Variants in ANKRD13B observed in about 807,000 individuals in gnomAD.
ANKRD13B encodes the protein ankyrin repeat domain-containing protein 13B.
A neutral mutation model predicts 74.4 loss-of-function variants in ANKRD13B; 33 were observed. The observed-to-expected ratio is 0.44, with a 90% CI of 0.34 to 0.59. The LOEUF (loss-of-function observed/expected upper bound fraction) is 0.59, where lower values mean the gene tolerates loss of function less well. Among genes scored for constraint, ANKRD13B ranks in the 20% least tolerant of loss-of-function variants. The pLI is 0.02. For synonymous variants in ANKRD13B, 341 were observed against 362.9 expected (o/e 0.94, Z 0.68); for missense variants, 676 against 877.9 (o/e 0.77, Z 2.91).
Position 29,612,473 on chromosome 17 carries a change from C to T in ANKRD13B, c.1330C>T (p.Pro444Ser), listed in dbSNP as rs1333161311. 6 of 1,599,792 alleles carry T rather than the reference C, an allele frequency of 3.8e-6. No homozygotes were observed. The highest frequency in any genetic ancestry group is 5.1e-6 in the Non-Finnish European group (6 of 1,173,274). ...GNLNGCDEPV[P>S]SVRGSPSSET... Reference sequence around the variant, plus strand: ...CCTCAACGGCTGCGACGAACCGGTGCCATCGGTGCGAGGCAGCCCCAGCAG... The same window carrying T: ...CCTCAACGGCTGCGACGAACCGGTGTCATCGGTGCGAGGCAGCCCCAGCAG... Residue 444 changes from proline to serine, a missense_variant, in exon 12 of 15, where the codon CCA (proline) becomes TCA (serine). Coordinates refer to ENST00000394859, the MANE Select transcript of ANKRD13B (RefSeq NM_152345.5). The surrounding 1 kb of genome is among the most constrained non-coding windows in gnomAD (Gnocchi z 6.1).
rs537404083 is a variant in ANKRD13B, at chr17:29,607,045, G to A, written c.115-697G>A. ...AGCCTAGCCAACAGAGTGAGACTCC[G>A]TCCCCCCAAAAAAAACACAAAAAAA... is the stretch of plus-strand genomic sequence containing the variant. On this transcript the variant is annotated intron_variant, in intron 1 of 14. Transcript: ENST00000394859. Among the ~76,000 whole-genome samples the A allele has an allele frequency of 3.2e-4, 49 of 151,328 alleles. No homozygotes were observed. The South Asian group carries it at 7.5e-3, about 23-fold the overall frequency.
rs752449750 is a variant in ANKRD13B at position 29,607,867 on chromosome 17, C to A, written c.240C>A (p.Ser80Arg). The change falls in exon 2 of 15, where the codon AGC becomes AGA. Residue 80 changes from serine (S) to arginine (R), a missense_variant. By Grantham distance (110) the Ser-to-Arg change is moderately radical (BLOSUM62 -1). Transcript: ENST00000394859. The stretch of plus-strand genomic sequence containing the variant: ...CAGACGTGGGCAGGGAGAATCGCAG[C>A]GGCTGGACAGGTGGGCAGCCCTGCT... ...HGADVGRENRSGWTVLQEAVS... is the reference protein window; with the variant it reads ...HGADVGRENRRGWTVLQEAVS... The A allele has an allele frequency of 6.2e-7, 1 of 1,600,310 alleles. No individual in the cohort carries two copies. The highest frequency in any genetic ancestry group is 1.3e-5 in the African/African-American group (1 of 74,796).
rs1163651961 is a variant in ANKRD13B at position 29,607,773 on chromosome 17, G to A, written c.146G>A (p.Arg49Gln). 7 of 1,601,426 alleles carry A rather than the reference G, an allele frequency of 4.4e-6. No homozygotes were observed. Among genetic ancestry groups the A allele is most frequent in the African/African-American group, 1.3e-5 (1 of 74,852 alleles). The change falls in exon 2 of 15, where the codon CGG becomes CAG. Residue 49 changes from arginine (R) to glutamine (Q), a missense_variant. Transcript: ENST00000394859. ...VDIEQLDPRG[R>Q]TPLHLATTLG... ...ATCGAGCAGCTGGATCCCCGCGGCC[G>A]GACTCCCCTGCACCTGGCCACCACG...
rs2034647791 is a variant in ANKRD13B at position 29,612,950 on chromosome 17, C to T, written c.1639C>T (p.Arg547Cys). ...CACCCACCCCATGTCCTACGAGGGT[C>T]GCCGACAGGACAGGTCAGTGCCCGC... ...PGTHPMSYEGRRQDRSAPPTP... is the reference protein window; with the variant it reads ...PGTHPMSYEGCRQDRSAPPTP... The change falls in exon 14 of 15, where the codon CGC becomes TGC. Residue 547 changes from arginine to cysteine, a missense_variant. By Grantham distance (180) the Arg-to-Cys change is radical. Coordinates refer to ENST00000394859, the MANE Select transcript of ANKRD13B (RefSeq NM_152345.5). The surrounding 1 kb of genome is among the most constrained non-coding windows in gnomAD (Gnocchi z 6.1). The T allele has an allele frequency of 6.3e-7, 1 of 1,597,766 alleles. No homozygotes were observed. Among genetic ancestry groups the T allele is most frequent in the Non-Finnish European group, 8.5e-7 (1 of 1,179,582 alleles).
chr17:29,613,191 TG>T, intron 14 of ANKRD13B, 162 bp from the exon 15 acceptor site: 2 of 1,254,396 alleles, frequency 1.6e-6, no homozygotes, highest in Non-Finnish European at 2.1e-6. Context: ...TGGTAGGGTC[TG>T]GGCTCCGCCA....
At chr17:29,610,597 G>C (rs968660681) in intron 7 of ANKRD13B, 88 bp from the exon 8 acceptor site, 10 of 1,199,994 alleles carry the variant, frequency 8.3e-6, no homozygotes, top group Non-Finnish European at 9.5e-6. Flanking sequence ...AGGACCCTTT[G>C]CTACAGGGAG....
At chr17:29,607,717 T>A in intron 1 of ANKRD13B, 25 bp from the exon 2 acceptor site, 1 of 1,588,328 alleles carries the variant, frequency 6.3e-7, no homozygotes, top group Non-Finnish European at 8.5e-7. Context: ...TGGGGCTTTA[T>A]CTTCCACTCC....
chr17:29,595,443 G>A (rs1196808026), intron 1 of ANKRD13B, among the ~76,000 whole-genome samples: 1 of 152,202 alleles, frequency 6.6e-6, no homozygotes, highest in Admixed American at 6.5e-5. Context: ...CTTGCCTGAG[G>A]GTGGGTGGTC....
rs2034639021 is a variant in ANKRD13B at position 29,612,781 on chromosome 17, A to G, written c.1541A>G (p.Gln514Arg). Residue 514 changes from glutamine (Q) to arginine (R), a missense_variant, in exon 13 of 15, where the codon CAG becomes CGG. Physicochemically the swap from Gln to Arg is conservative, Grantham distance 43. Transcript: ENST00000394859. The surrounding 1 kb of genome is among the most constrained non-coding windows in gnomAD (Gnocchi z 6.1). ...GACCTGCTGCAATTCGCCATCCAGC[A>G]GAGCCTGCTTGAGGCGGGCAGTGAG... ...DDDLLQFAIQQSLLEAGSEYD... is the reference protein window; with the variant it reads ...DDDLLQFAIQRSLLEAGSEYD... The G allele has an allele frequency of 6.2e-7, 1 of 1,603,776 alleles. No individual in the cohort carries two copies. The highest frequency in any genetic ancestry group is 8.5e-7 in the Non-Finnish European group (1 of 1,178,794).
rs770478222 is a variant in ANKRD13B, at chr17:29,610,769, A to G, written c.904+3A>G. 2 of 1,613,632 alleles carry G rather than the reference A, an allele frequency of 1.2e-6. No homozygotes were observed. Among genetic ancestry groups the G allele is most frequent in the Admixed American group, 1.7e-5 (1 of 59,972 alleles). On this transcript the variant is annotated splice_donor_region_variant and intron_variant, in intron 8 of 14. Coordinates refer to ENST00000394859, the MANE Select transcript of ANKRD13B (RefSeq NM_152345.5). ...ACAGCACAAGGGCAAGGTCAAAGGT[A>G]ATGAGGCAGAGCTGGATGGGGAGAG...
At chr17:29,610,917 C>CT in intron 8 of ANKRD13B, 151 bp downstream of exon 8, 1 of 782,300 alleles carries the variant, frequency 1.3e-6, no homozygotes, top group East Asian at 2.7e-5. Flanking sequence ...GTGCCAAGCC[C>CT]TAAGGATGGG....
In ANKRD13B at chr17:29,610,673, A is replaced by T; in HGVS notation, c.823-12A>T. On this transcript the variant is annotated splice_polypyrimidine_tract_variant and intron_variant, in intron 7 of 14. Transcript: ENST00000394859. Reference sequence around the variant, plus strand: ...AGAACTGCTTATGAGCCCTTTCTTCATCTGTCCCCAGGTGTATGGGGCATC... The same window carrying T: ...AGAACTGCTTATGAGCCCTTTCTTCTTCTGTCCCCAGGTGTATGGGGCATC... The T allele has an allele frequency of 6.2e-7, 1 of 1,613,526 alleles. No homozygotes were observed. The highest frequency in any genetic ancestry group is 8.5e-7 in the Non-Finnish European group (1 of 1,179,698).
rs371478891 is a variant in ANKRD13B, at chr17:29,609,059, C to G, written c.566-27C>G. 149 of 1,611,796 alleles carry G rather than the reference C, an allele frequency of 9.2e-5. No homozygotes were observed. The highest frequency in any genetic ancestry group is 1.2e-4 in the Non-Finnish European group (146 of 1,179,664). On this transcript the variant is annotated intron_variant, in intron 5 of 14. Coordinates refer to ENST00000394859, the MANE Select transcript of ANKRD13B (RefSeq NM_152345.5). The surrounding 1 kb of genome is among the most constrained non-coding windows in gnomAD (Gnocchi z 4.0). ...GAGGCAGCCCCAGGCCACCCCTGAT[C>G]CCCCTGTGCTGTTCCGTGTCTGGCA... is the stretch of plus-strand genomic sequence containing the variant.
intron 1 of ANKRD13B, among the ~76,000 whole-genome samples, chr17:29,605,552 C>T (rs1222601667): frequency 1.3e-5 from 2 of 152,124 alleles, no homozygotes; most frequent in Admixed American, 6.5e-5. Context: ...ACTGCAGCCT[C>T]AACCTCCCAG....
intron 1 of ANKRD13B, among the ~76,000 whole-genome samples, chr17:29,601,276 C>T (rs1186909498): frequency 6.7e-6 from 1 of 149,626 alleles, no homozygotes; most frequent in East Asian, 2.0e-4. Flanking sequence ...GGCTGGAGTG[C>T]AGTGGTGCGA....
intron 1 of ANKRD13B, among the ~76,000 whole-genome samples, chr17:29,597,102 GGCTGA>G (rs2033981125): frequency 6.6e-6 from 1 of 152,214 alleles, no homozygotes; most frequent in Admixed American, 6.5e-5. Flanking sequence ...CTGGGGAAGG[GGCTGA>G]GCAGGCACCA....
At chr17:29,594,389 C>T (rs1377071320) in intron 1 of ANKRD13B, among the ~76,000 whole-genome samples, 1 of 152,210 alleles carries the variant, frequency 6.6e-6, no homozygotes, top group Non-Finnish European at 1.5e-5. Context: ...CTGAGGGGCC[C>T]TGGCTGCTGG....
intron 1 of ANKRD13B, among the ~76,000 whole-genome samples, chr17:29,604,034 C>A (rs574243242): frequency 3.3e-5 from 5 of 151,770 alleles, no homozygotes; most frequent in African/African-American, 9.7e-5. Flanking sequence ...CGTGAGCCAC[C>A]GCACCCTGCC....
At position 29,609,246 on chromosome 17, in the gene ANKRD13B, G is replaced by T. The variant is rs767408184; in HGVS notation, c.726G>T (p.Gln242His). ...TTACCGCGCCCGTCGTCACCACTCA[G>T]CTTGACACCAAGAATATCTCCTTTG... ...SRLTAPVVTT[Q>H]LDTKNISFER... Residue 242 changes from glutamine (Q) to histidine (H), a missense_variant, in exon 6 of 15, where the codon CAG becomes CAT. Transcript: ENST00000394859. This position sits in a 1 kb window ranked among gnomAD's most constrained non-coding sequence, Gnocchi z 4.0. 1.2e-6 allele frequency: 2 copies of T among 1,613,094 alleles called. No homozygotes were observed. Among genetic ancestry groups the T allele is most frequent in the East Asian group, 4.5e-5 (2 of 44,866 alleles).
Sources: gnomAD v4.1 joint callset for allele counts (sites outside exome capture counted in the v4.1 genomes callset) on GRCh38, gnomAD v4.1.1 for gene constraint, Gnocchi (gnomAD v3.1) non-coding constraint, MANE v1.5 for transcripts, NCBI Gene and HGNC (gene_info 2026-07-23, HGNC 2026-07-21) for gene names.